Variants in MARK1 observed in about 807,000 individuals in gnomAD.
The protein encoded by MARK1 is serine/threonine-protein kinase MARK1.
A neutral mutation model predicts 96.3 loss-of-function variants in MARK1; 40 were observed. The ratio of observed to expected loss-of-function variants is 0.42; its 90% CI spans 0.32 to 0.54. The LOEUF is 0.54. Ranked by LOEUF, MARK1 falls within the 20% of genes least tolerant of loss-of-function variation. The pLI, the probability that MARK1 is intolerant of heterozygous loss-of-function variation, is 0.16. For missense variants in MARK1, 719 were observed against 984.6 expected (o/e 0.73, Z 3.61); for synonymous variants, 317 against 341.2 (o/e 0.93, Z 0.78).
At chr1:220,605,401 A>T (rs1666004365) in intron 6 of MARK1, among the ~76,000 whole-genome samples, 1 of 152,148 alleles carries the variant, frequency 6.6e-6, no homozygotes, top group African/African-American at 2.4e-5. Flanking sequence ...CACGTACTGT[A>T]ATATTATTTT....
At chr1:220,542,071 A>G (rs573433400) in intron 1 of MARK1, among the ~76,000 whole-genome samples, 2 of 152,292 alleles carry the variant, frequency 1.3e-5, no homozygotes, top group African/African-American at 4.8e-5. Context: ...TCCCCTAAAA[A>G]TCAGAGCATT....
intron 1 of MARK1, among the ~76,000 whole-genome samples, chr1:220,570,818 A>G (rs1663398939): frequency 6.6e-6 from 1 of 152,186 alleles, no homozygotes; most frequent in Non-Finnish European, 1.5e-5. Context: ...TGTAATATGA[A>G]CATTTGGAGA....
chr1:220,638,823 A>T (rs1668117703), intron 13 of MARK1, among the ~76,000 whole-genome samples: 1 of 152,178 alleles, frequency 6.6e-6, no homozygotes. Context: ...TAATTTTAGC[A>T]CTATAGGAGT....
chr1:220,581,172 A>T, intron 3 of MARK1, 54 bp downstream of exon 3: 4 of 595,554 alleles, frequency 6.7e-6, no homozygotes, highest in Non-Finnish European at 7.9e-6. Context: ...TTAATATGTG[A>T]TGTTCTGTAA....
intron 6 of MARK1, among the ~76,000 whole-genome samples, chr1:220,608,093 CT>C (rs1572167538): frequency 2.6e-5 from 4 of 152,184 alleles, no homozygotes; most frequent in Admixed American, 2.6e-4. Flanking sequence ...AGGATTCCCT[CT>C]TTTTCTATTG....
At chr1:220,534,960 C>G (rs1229823501) in intron 1 of MARK1, among the ~76,000 whole-genome samples, 1 of 152,028 alleles carries the variant, frequency 6.6e-6, no homozygotes, top group Non-Finnish European at 1.5e-5. Context: ...CTTCTTGGCT[C>G]TTATAAATAA....
intron 9 of MARK1, chr1:220,626,995 C>T (rs1667381796): frequency 3.8e-6 from 2 of 529,698 alleles, no homozygotes; most frequent in South Asian, 1.5e-5. Context: ...AGCTTCCATA[C>T]AGCGACTACT....
intron 13 of MARK1, among the ~76,000 whole-genome samples, chr1:220,639,034 A>G (rs1399073261): frequency 6.6e-6 from 1 of 152,156 alleles, no homozygotes; most frequent in Non-Finnish European, 1.5e-5. Context: ...GCTTGAGGCC[A>G]GGAGTTTGAG....
intron 1 of MARK1, among the ~76,000 whole-genome samples, chr1:220,562,191 A>G (rs1662714231): frequency 6.6e-6 from 1 of 152,178 alleles, no homozygotes; most frequent in Admixed American, 6.6e-5. Flanking sequence ...CAGGCCGGTC[A>G]TGGTGATTCA....
intron 5 of MARK1, among the ~76,000 whole-genome samples, chr1:220,603,171 T>C (rs1180956920): frequency 6.6e-6 from 1 of 152,036 alleles, no homozygotes; most frequent in Non-Finnish European, 1.5e-5. Context: ...TGTATATCTA[T>C]CTGGTACAAA....
At chr1:220,561,421 C>T (rs918655393) in intron 1 of MARK1, among the ~76,000 whole-genome samples, 1 of 151,804 alleles carries the variant, frequency 6.6e-6, no homozygotes, top group Non-Finnish European at 1.5e-5. Context: ...TATGTATGGC[C>T]CAAGACAGTT....
At chr1:220,616,054 A>T in intron 7 of MARK1, 59 bp downstream of exon 7, 1 of 838,924 alleles carries the variant, frequency 1.2e-6, no homozygotes, top group African/African-American at 1.7e-5. Context: ...CATATATTTA[A>T]TAATAATATT....
intron 3 of MARK1, among the ~76,000 whole-genome samples, chr1:220,583,814 A>ATTT (rs34848222): frequency 8.3e-4 from 87 of 105,222 alleles, no homozygotes; most frequent in Non-Finnish European, 1.3e-3. Flanking sequence ...TGCCTGGCTA[A>ATTT]TTTTTTTTTT....
intron 1 of MARK1, among the ~76,000 whole-genome samples, chr1:220,551,912 C>T (rs1276328602): frequency 6.6e-6 from 1 of 152,104 alleles, no homozygotes; most frequent in Non-Finnish European, 1.5e-5. Context: ...TGAAGTAACC[C>T]AAGCCTTCAT....
intron 3 of MARK1, among the ~76,000 whole-genome samples, chr1:220,597,180 T>C (rs1236908130): frequency 2.0e-5 from 3 of 152,196 alleles, no homozygotes; most frequent in Admixed American, 1.3e-4. Flanking sequence ...ATGGGTGTAC[T>C]AGTATCTGCT....
intron 1 of MARK1, among the ~76,000 whole-genome samples, chr1:220,543,522 G>A (rs1661283099): frequency 6.6e-6 from 1 of 152,046 alleles, no homozygotes; most frequent in African/African-American, 2.4e-5. Flanking sequence ...AAATACCTTG[G>A]ACTGTAGTTT....
intron 3 of MARK1, among the ~76,000 whole-genome samples, chr1:220,589,347 G>A (rs920451057): frequency 3.3e-5 from 5 of 152,160 alleles, no homozygotes; most frequent in Admixed American, 3.3e-4. Context: ...GCTAGCAGAG[G>A]AATGGAAGAG....
intron 9 of MARK1, chr1:220,627,324 G>C (rs1401197899): frequency 6.0e-6 from 3 of 503,232 alleles, no homozygotes; most frequent in Non-Finnish European, 1.2e-5. Flanking sequence ...AAAAAGCCAA[G>C]AGAGTCAAAA....
chr1:220,533,732 C>G (rs760376598), intron 1 of MARK1, among the ~76,000 whole-genome samples: 1 of 152,112 alleles, frequency 6.6e-6, no homozygotes, highest in Non-Finnish European at 1.5e-5. Context: ...CTGTCTCTAT[C>G]TTGTGTGGAT....
Sources: allele counts gnomAD v4.1 joint callset (sites outside exome capture counted in the v4.1 genomes callset), GRCh38; gene constraint gnomAD v4.1.1; transcripts MANE v1.5; gene names NCBI Gene and HGNC (gene_info 2026-07-23, HGNC 2026-07-21).